SIPA1L3: variants seen among roughly 807,000 people sequenced by gnomAD.
SIPA1L3 encodes signal induced proliferation associated 1 like 3.
In SIPA1L3, 59 loss-of-function variants were observed where a neutral mutation model predicts 150.1. The observed-to-expected ratio is 0.39, with a 90% CI of 0.32 to 0.49. The LOEUF is 0.49. SIPA1L3 is among the 20% of genes least tolerant of loss of function. SIPA1L3 has a pLI of 0.86. For synonymous variants in SIPA1L3, 1,070 were observed against 1,077.6 expected (o/e 0.99, Z 0.14); for missense variants, 2,211 against 2,489.5 (o/e 0.89, Z 2.38).
intron 13 of SIPA1L3, among the ~76,000 whole-genome samples, chr19:38,156,373 G>T (rs944892806): frequency 7.3e-5 from 11 of 151,260 alleles, no homozygotes; most frequent in African/African-American, 2.7e-4. Context: ...TACACCATGG[G>T]CCCCAAAAAA....
Position 38,082,129 on chromosome 19 carries a change from G to A in SIPA1L3, c.564G>A (p.Arg188=). ...ECDAEDAGEP[R]GARHTGALPL... ...ACGCGGAGGACGCGGGGGAGCCGCG[G>A]GGGGCCCGGCACACGGGGGCGCTGC... Residue 188 remains arginine (R), a synonymous_variant, in exon 3 of 22, where the codon CGG becomes CGA. Coordinates refer to ENST00000222345, the MANE Select transcript of SIPA1L3 (RefSeq NM_015073.3). 1.9e-6 allele frequency: 3 copies of A among 1,606,508 alleles called. No homozygotes were observed. The highest frequency in any genetic ancestry group is 2.5e-6 in the Non-Finnish European group (3 of 1,179,068).
intron 15 of SIPA1L3, among the ~76,000 whole-genome samples, chr19:38,178,139 T>G (rs937542669): frequency 3.0e-5 from 4 of 132,644 alleles, no homozygotes; most frequent in East Asian, 2.3e-4. Context: ...GTGTGTGTGT[T>G]TTGTAGCTAA....
intron 2 of SIPA1L3, among the ~76,000 whole-genome samples, chr19:38,065,137 A>G (rs1969542684): frequency 6.6e-6 from 1 of 152,220 alleles, no homozygotes; most frequent in African/African-American, 2.4e-5. Flanking sequence ...CAGTTTAAGT[A>G]TTTGGGGTGA....
In SIPA1L3 at chr19:37,943,799, C is replaced by A. The variant is rs577881893; in HGVS notation, c.-379+36441C>A. ...TGGTGTCCTCTCAGAAGAGGTGTGACCTCCTTCTCTTAGCGTGGTCTCCTG... is the reference window on the plus strand; with the variant it reads ...TGGTGTCCTCTCAGAAGAGGTGTGAACTCCTTCTCTTAGCGTGGTCTCCTG... On this transcript the variant is annotated intron_variant, in intron 1 of 21. Transcript: ENST00000222345. 9.2e-5 allele frequency among the ~76,000 whole-genome samples: 14 copies of A among 152,276 alleles called. No individual in the cohort carries two copies. The East Asian group carries it at 2.7e-3, about 29-fold the overall frequency.
chr19:38,171,231 G>A (rs574250870), intron 15 of SIPA1L3, among the ~76,000 whole-genome samples: 2 of 152,148 alleles, frequency 1.3e-5, no homozygotes, highest in East Asian at 3.9e-4. Context: ...CTGAACACAG[G>A]CCCTTGGGCT....
chr19:38,172,600 G>T (rs2146001432), intron 15 of SIPA1L3, among the ~76,000 whole-genome samples: 1 of 152,286 alleles, frequency 6.6e-6, no homozygotes, highest in East Asian at 1.9e-4. Context: ...GACCCTGAGG[G>T]TGAACTTACT....
chr19:38,003,065 G>C (rs1599889137), intron 1 of SIPA1L3, among the ~76,000 whole-genome samples: 1 of 152,194 alleles, frequency 6.6e-6, no homozygotes, highest in African/African-American at 2.4e-5. Context: ...AGAATGGCTT[G>C]AACCCAGGAG....
chr19:38,135,935 C>T (rs62121440), intron 10 of SIPA1L3, among the ~76,000 whole-genome samples: 1 of 151,956 alleles, frequency 6.6e-6, no homozygotes, highest in Admixed American at 6.6e-5. Context: ...GCCCTCGCTG[C>T]CACCAGCCAG....
chr19:37,949,442 GC>G (rs1568475223), intron 1 of SIPA1L3, among the ~76,000 whole-genome samples: 2 of 152,132 alleles, frequency 1.3e-5, no homozygotes, highest in Non-Finnish European at 2.9e-5. Flanking sequence ...GAGGTGGGCG[GC>G]TAACCTGAGG....
At chr19:38,170,452 C>A (rs1042239357) in intron 15 of SIPA1L3, among the ~76,000 whole-genome samples, 2 of 152,232 alleles carry the variant, frequency 1.3e-5, no homozygotes, top group Non-Finnish European at 2.9e-5. Flanking sequence ...TGACAGCCTG[C>A]TCCCCAGCCT....
chr19:38,054,587 A>G (rs1969274900), intron 2 of SIPA1L3, among the ~76,000 whole-genome samples: 1 of 151,848 alleles, frequency 6.6e-6, no homozygotes, highest in African/African-American at 2.4e-5. Context: ...CGACAGAGCA[A>G]CTCCATCTCA....
At chr19:37,962,929 T>C (rs2046872313) in intron 1 of SIPA1L3, among the ~76,000 whole-genome samples, 1 of 152,086 alleles carries the variant, frequency 6.6e-6, no homozygotes, top group South Asian at 2.1e-4. Context: ...TATCCTGGGC[T>C]AATTCTTTGG....
Position 38,193,724 on chromosome 19 carries a change from C to A in SIPA1L3, c.4784C>A (p.Pro1595Gln). 6.4e-7 allele frequency: 1 copy of A among 1,566,448 alleles called. No individual in the cohort carries two copies. The highest frequency in any genetic ancestry group is 1.4e-5 in the African/African-American group (1 of 73,218). The change falls in exon 18 of 22, where the codon CCG becomes CAG. Residue 1595 changes from proline to glutamine, a missense_variant. Pro to Gln is a moderately conservative substitution (Grantham distance 76). This residue lies in a region of SIPA1L3 where 806 missense variants were observed against 870.1 expected (regional missense o/e 0.93). Coordinates refer to ENST00000222345, the MANE Select transcript of SIPA1L3 (RefSeq NM_015073.3). Reference sequence around the variant, plus strand: ...CGCCGCCAGCACCAGCACCCCCACCCGCCCGTCGGCCCCGGTGCCACCCCT... The same window carrying A: ...CGCCGCCAGCACCAGCACCCCCACCAGCCCGTCGGCCCCGGTGCCACCCCT... ...PARRQHQHPHPPVGPGATPAA... is the reference protein window; with the variant it reads ...PARRQHQHPHQPVGPGATPAA...
At chr19:37,957,851 A>G (rs780244140) in intron 1 of SIPA1L3, among the ~76,000 whole-genome samples, 1 of 151,790 alleles carries the variant, frequency 6.6e-6, no homozygotes, top group African/African-American at 2.4e-5. Context: ...AGCTGTGACT[A>G]TAGGCATGCA....
chr19:38,137,136 C>G (rs149178851), intron 10 of SIPA1L3, among the ~76,000 whole-genome samples: 1 of 152,290 alleles, frequency 6.6e-6, no homozygotes, highest in East Asian at 1.9e-4. Context: ...GCCATCTGGC[C>G]CCGCAGCCCT....
chr19:38,018,311 G>T (rs945322317), intron 1 of SIPA1L3, among the ~76,000 whole-genome samples: 1 of 151,578 alleles, frequency 6.6e-6, no homozygotes. Context: ...TCACAAGCGC[G>T]CACCATCACG....
At position 38,182,591 on chromosome 19, in the gene SIPA1L3, C is replaced by G; in HGVS notation, c.4281C>G (p.Ser1427=). The G allele has an allele frequency of 6.2e-7, 1 of 1,614,200 alleles. No homozygotes were observed. Among genetic ancestry groups the G allele is most frequent in the South Asian group, 1.1e-5 (1 of 91,078 alleles). Residue 1427 remains serine (S), a synonymous_variant, in exon 16 of 22, where the codon TCC becomes TCG. Coordinates refer to ENST00000222345, the MANE Select transcript of SIPA1L3 (RefSeq NM_015073.3). ...KTASAETPRP[S]QLAQPSPFQL... ...CCAGTGCAGAGACTCCTCGGCCCTC[C>G]CAGCTGGCCCAGCCCAGCCCCTTTC... is the stretch of plus-strand genomic sequence containing the variant.
rs1241799948 is a variant in SIPA1L3, at chr19:37,999,524, A to G, written c.-378-29565A>G. Among the ~76,000 whole-genome samples the G allele has an allele frequency of 2.0e-5, 3 of 152,024 alleles. No homozygotes were observed. In the East Asian group the frequency reaches 5.8e-4, roughly 29 times the overall value. On this transcript the variant is annotated intron_variant, in intron 1 of 21. Coordinates refer to ENST00000222345, the MANE Select transcript of SIPA1L3 (RefSeq NM_015073.3). ...GGTGGGCTGGGTTTTCCAGCGCTGA[A>G]CGTGCTCTTCATTCCGCTGCCTGTG...
chr19:38,082,415 C>G lies in SIPA1L3; in HGVS notation c.850C>G (p.Arg284Gly). ...GCCCACGAAGGAGAAGGAGAAGGCC[C>G]GGAAGAAACCTGCGCGGGGCCTCGG... ...LQPTKEKEKA[R>G]KKPARGLGGG... Residue 284 changes from arginine to glycine, a missense_variant, in exon 3 of 22, where the codon CGG (arginine) becomes GGG (glycine). Transcript: ENST00000222345. 1.3e-6 allele frequency: 2 copies of G among 1,596,428 alleles called. No individual in the cohort carries two copies. Among genetic ancestry groups the G allele is most frequent in the East Asian group, 2.2e-5 (1 of 44,614 alleles).
Sources: allele counts gnomAD v4.1 joint callset (sites outside exome capture counted in the v4.1 genomes callset), GRCh38; gene constraint gnomAD v4.1.1; regional missense constraint gnomAD v4.1.1; transcripts MANE v1.5; gene names NCBI Gene and HGNC (gene_info 2026-07-23, HGNC 2026-07-21).